CCDC178: variants seen among roughly 807,000 people sequenced by gnomAD.
CCDC178 encodes the protein coiled-coil domain-containing protein 178.
A neutral mutation model predicts 117.4 loss-of-function variants in CCDC178; 126 were observed. That is an observed-to-expected ratio of 1.07 (90% CI 0.93 to 1.24). The LOEUF (loss-of-function observed/expected upper bound fraction) is 1.24, where lower values mean the gene tolerates loss of function less well. Among genes scored for constraint, CCDC178 ranks in the 50% most tolerant of loss-of-function variants. The pLI is 0.00. For synonymous variants in CCDC178, 283 were observed against 313.4 expected (o/e 0.90, Z 1.02); for missense variants, 1,030 against 986.9 (o/e 1.04, Z -0.59).
intron 7 of CCDC178, among the ~76,000 whole-genome samples, chr18:33,354,558 C>G (rs1021676719): frequency 6.6e-6 from 1 of 151,908 alleles, no homozygotes; most frequent in African/African-American, 2.4e-5. Context: ...TGCTACTGAA[C>G]CCTTCTAGTG....
chr18:33,065,498 C>A (rs1006961902), intron 21 of CCDC178, among the ~76,000 whole-genome samples: 2 of 152,032 alleles, frequency 1.3e-5, no homozygotes, highest in Non-Finnish European at 2.9e-5. Flanking sequence ...TGGATAAAAG[C>A]ATAAAAACAC....
intron 20 of CCDC178, among the ~76,000 whole-genome samples, chr18:33,209,009 C>T (rs182840827): frequency 1.2e-4 from 18 of 151,936 alleles, no homozygotes; most frequent in East Asian, 3.9e-4. Context: ...ATGACATAGG[C>T]GATACAGCAG....
rs117025285 is a variant in CCDC178 at position 33,393,501 on chromosome 18, T to C, written c.118+3648A>G. Among the ~76,000 whole-genome samples, 560 of 152,270 alleles carry C rather than the reference T, an allele frequency of 3.7e-3. 5 individuals carry two copies. Among genetic ancestry groups the C allele is most frequent in the Non-Finnish European group, 6.1e-3 (417 of 67,978 alleles). ...TTTCATCACCCCTGAAAGTTTCTCA[T>C]CTACTATAGGCAACTGTTATTTTGA... On this transcript the variant is annotated intron_variant, in intron 4 of 22. Coordinates refer to ENST00000383096, the MANE Select transcript of CCDC178 (RefSeq NM_001105528.4).
chr18:33,420,944 T>C (rs2064016361), intron 2 of CCDC178, among the ~76,000 whole-genome samples: 1 of 152,100 alleles, frequency 6.6e-6, no homozygotes, highest in Admixed American at 6.5e-5. Context: ...TTAGAAAATA[T>C]TTTGGACAAT....
At chr18:33,421,898 T>G (rs2064031877) in intron 2 of CCDC178, among the ~76,000 whole-genome samples, 1 of 152,204 alleles carries the variant, frequency 6.6e-6, no homozygotes, top group African/African-American at 2.4e-5. Context: ...TGTGTCTTCT[T>G]AAACTCTCTA....
chr18:33,217,915 A>G (rs2059185794), intron 18 of CCDC178, among the ~76,000 whole-genome samples: 1 of 152,064 alleles, frequency 6.6e-6, no homozygotes, highest in African/African-American at 2.4e-5. Flanking sequence ...ATTAAGAAAC[A>G]AAGCATCAGA....
chr18:33,068,049 T>TA (rs1485341536), intron 21 of CCDC178, among the ~76,000 whole-genome samples: 4 of 151,398 alleles, frequency 2.6e-5, no homozygotes, highest in Non-Finnish European at 4.4e-5. Flanking sequence ...AATTACATGG[T>TA]AAAAAAATGG....
intron 22 of CCDC178, among the ~76,000 whole-genome samples, chr18:32,944,677 G>A (rs948211600): frequency 6.6e-6 from 1 of 152,078 alleles, no homozygotes; most frequent in Non-Finnish European, 1.5e-5. Flanking sequence ...CAAAAATAGC[G>A]ACATGGTTTG....
At chr18:33,204,503 T>C (rs773798735) in intron 20 of CCDC178, among the ~76,000 whole-genome samples, 14 of 152,166 alleles carry the variant, frequency 9.2e-5, no homozygotes, top group Non-Finnish European at 1.8e-4. Context: ...AGTGCTCATG[T>C]TTACATGTTT....
Position 33,015,939 on chromosome 18 carries a change from AT to A in CCDC178, c.2389-41259del, listed in dbSNP as rs1435680115. On this transcript the variant is annotated intron_variant, in intron 21 of 22. Transcript: ENST00000383096. ...GTAAACTTGAAATAGGTCATTTGAG[AT>A]TCTTCAGTTAGAATAGAAAGAGAAT... Among the ~76,000 whole-genome samples, 11 of 152,178 alleles carry A rather than the reference AT, an allele frequency of 7.2e-5. No individual in the cohort carries two copies. In the South Asian group the frequency reaches 2.3e-3, roughly 31 times the overall value.
At chr18:32,966,926 G>T (rs1026127613) in intron 22 of CCDC178, among the ~76,000 whole-genome samples, 3 of 151,582 alleles carry the variant, frequency 2.0e-5, no homozygotes, top group Non-Finnish European at 4.4e-5. Flanking sequence ...ACTTTAGATT[G>T]CCATTTTAAA....
chr18:32,966,675 T>C (rs1334207792), intron 22 of CCDC178, among the ~76,000 whole-genome samples: 2 of 151,884 alleles, frequency 1.3e-5, no homozygotes, highest in Non-Finnish European at 2.9e-5. Context: ...AATCACCTTC[T>C]TGAGCTTCAC....
At chr18:32,955,077 T>C (rs2054566967) in intron 22 of CCDC178, among the ~76,000 whole-genome samples, 1 of 152,168 alleles carries the variant, frequency 6.6e-6, no homozygotes, top group Non-Finnish European at 1.5e-5. Flanking sequence ...ATGAAACCTC[T>C]ACTCCATTTC....
intron 21 of CCDC178, among the ~76,000 whole-genome samples, chr18:32,990,645 G>T (rs1452109516): frequency 6.6e-6 from 1 of 151,986 alleles, no homozygotes; most frequent in Non-Finnish European, 1.5e-5. Context: ...GAAATTAAAA[G>T]AAAATGTCTT....
chr18:33,217,639 G>A (rs1273141570), intron 18 of CCDC178, among the ~76,000 whole-genome samples: 2 of 151,712 alleles, frequency 1.3e-5, no homozygotes, highest in Admixed American at 6.6e-5. Context: ...TAAATAAATG[G>A]TAATTTGTAT....
At chr18:33,206,303 A>G (rs2059044106) in intron 20 of CCDC178, among the ~76,000 whole-genome samples, 1 of 152,148 alleles carries the variant, frequency 6.6e-6, no homozygotes, top group African/African-American at 2.4e-5. Context: ...GAAATAATGA[A>G]CCAAAGTAGA....
intron 21 of CCDC178, among the ~76,000 whole-genome samples, chr18:32,988,369 G>C (rs1265851345): frequency 6.6e-6 from 1 of 152,010 alleles, no homozygotes; most frequent in Non-Finnish European, 1.5e-5. Context: ...CCAGGAGGCG[G>C]AGGTTGCAGC....
chr18:33,244,383 T>C (rs2059522582), intron 15 of CCDC178, among the ~76,000 whole-genome samples: 1 of 151,898 alleles, frequency 6.6e-6, no homozygotes, highest in South Asian at 2.1e-4. Flanking sequence ...GGTTTGGCTT[T>C]GTGTCCATAC....
chr18:33,034,306 T>C (rs947021925), intron 21 of CCDC178, among the ~76,000 whole-genome samples: 4 of 151,996 alleles, frequency 2.6e-5, no homozygotes, highest in East Asian at 1.9e-4. Flanking sequence ...TTCCCTCTAA[T>C]ACAGTCTACA....
Sources: allele counts gnomAD v4.1 joint callset (sites outside exome capture counted in the v4.1 genomes callset), GRCh38; gene constraint gnomAD v4.1.1; transcripts MANE v1.5; gene names NCBI Gene and HGNC (gene_info 2026-07-23, HGNC 2026-07-21).